SPATA31F3: variants seen among roughly 807,000 people sequenced by gnomAD.
The protein encoded by SPATA31F3 is SPATA31 subfamily F member 3.
At chr9:34,894,907 T>C in the SPATA31F3 span, 1 of 396,820 alleles carries the variant, frequency 2.5e-6, no homozygotes, top group South Asian at 1.4e-4. Context: ...CCATGAGAAA[T>C]TGTCCCTGGG....
At chr9:34,895,558 A>G in the SPATA31F3 span, 6 of 398,514 alleles carry the variant, frequency 1.5e-5, no homozygotes, top group Non-Finnish European at 2.7e-5. Flanking sequence ...CAATTTAGCC[A>G]TGGTCATAGT....
chr9:34,895,558 A>C, the SPATA31F3 span: 12 of 398,514 alleles, frequency 3.0e-5, no homozygotes, highest in Non-Finnish European at 1.8e-5. Flanking sequence ...CAATTTAGCC[A>C]TGGTCATAGT....
chr9:34,894,348 A>C, the SPATA31F3 span: 1 of 397,490 alleles, frequency 2.5e-6, no homozygotes. Flanking sequence ...CCTCCCATCC[A>C]TTTTCCCTCT....
At chr9:34,892,198 G>A in the SPATA31F3 span, among the ~76,000 whole-genome samples, 1 of 152,018 alleles carries the variant, frequency 6.6e-6, no homozygotes, top group Non-Finnish European at 1.5e-5. Flanking sequence ...AGAGAGGAGA[G>A]GGTAGAGCTA....
At chr9:34,892,439 G>A in the SPATA31F3 span, among the ~76,000 whole-genome samples, 1 of 152,186 alleles carries the variant, frequency 6.6e-6, no homozygotes. Context: ...AAGTGGTGTG[G>A]TATAAGCTGC....
At chr9:34,892,705 C>T in the SPATA31F3 span, 1 of 471,840 alleles carries the variant, frequency 2.1e-6, no homozygotes, top group South Asian at 5.0e-5. Context: ...TCCTCTCCTG[C>T]TGGCTCAGAG....
the SPATA31F3 span, chr9:34,894,965 G>T: frequency 2.5e-6 from 1 of 398,220 alleles, no homozygotes; most frequent in Non-Finnish European, 4.4e-6. Context: ...TAGCAGCAGG[G>T]GTCATAGAGG....
the SPATA31F3 span, chr9:34,895,580 C>T: frequency 1.8e-5 from 7 of 398,590 alleles, no homozygotes; most frequent in African/African-American, 6.2e-5. Context: ...TTTCCCTACC[C>T]GGCAACAGCT....
the SPATA31F3 span, among the ~76,000 whole-genome samples, chr9:34,890,633 G>A: frequency 6.6e-6 from 1 of 152,200 alleles, no homozygotes; most frequent in Admixed American, 6.5e-5. Flanking sequence ...AGTTTCTGGA[G>A]TAATGTTTTC....
chr9:34,895,314 A>G, the SPATA31F3 span, among the ~76,000 whole-genome samples: 1 of 152,052 alleles, frequency 6.6e-6, no homozygotes, highest in Non-Finnish European at 1.5e-5. Context: ...CATTCCTTTC[A>G]TAAGTTCGGT....
At chr9:34,893,517 C>G in the SPATA31F3 span, among the ~76,000 whole-genome samples, 6 of 151,874 alleles carry the variant, frequency 4.0e-5, no homozygotes, top group Non-Finnish European at 8.8e-5. Context: ...AGGAGAGTCC[C>G]TTGAACCTGG....
the SPATA31F3 span, chr9:34,893,039 T>C: frequency 1.1e-6 from 1 of 946,416 alleles, no homozygotes; most frequent in Non-Finnish European, 1.6e-6. Flanking sequence ...GATCTGGTTG[T>C]TCTCACCTGC....
chr9:34,892,622 G>A, the SPATA31F3 span: 1 of 443,442 alleles, frequency 2.3e-6, no homozygotes, highest in Non-Finnish European at 4.0e-6. Context: ...CTGGGTTCAG[G>A]GAAAGAAAGG....
chr9:34,892,741 A>G, the SPATA31F3 span: 4 of 463,162 alleles, frequency 8.6e-6, no homozygotes, highest in Non-Finnish European at 1.5e-5. Context: ...CAAAGTTTGA[A>G]GACAGAGATC....
chr9:34,893,403 T>A, the SPATA31F3 span, among the ~76,000 whole-genome samples: 1 of 151,796 alleles, frequency 6.6e-6, no homozygotes, highest in Non-Finnish European at 1.5e-5. Flanking sequence ...GAGTTCGAGA[T>A]CAGCCTGGCC....
chr9:34,892,862 A>G, the SPATA31F3 span: 2 of 699,352 alleles, frequency 2.9e-6, no homozygotes, highest in East Asian at 5.4e-5. Flanking sequence ...TGACTGGGTT[A>G]AAGATTTCTG....
the SPATA31F3 span, chr9:34,893,080 AT>A: frequency 1.0e-6 from 1 of 958,196 alleles, no homozygotes; most frequent in Non-Finnish European, 1.5e-6. Context: ...GAGCCATAAC[AT>A]TGCAGATTTG....
chr9:34,889,693 A>C, the SPATA31F3 span: 1 of 398,244 alleles, frequency 2.5e-6, no homozygotes. Flanking sequence ...TGCAACTCTT[A>C]GCCCTAGAAA....
the SPATA31F3 span, among the ~76,000 whole-genome samples, chr9:34,891,517 C>T: frequency 6.6e-6 from 1 of 152,200 alleles, no homozygotes; most frequent in East Asian, 1.9e-4. Flanking sequence ...GGAAGACCCA[C>T]ATAGGTCAGG....
Sources: gnomAD v4.1 joint callset for allele counts (sites outside exome capture counted in the v4.1 genomes callset) on GRCh38, gnomAD v4.1.1 for gene constraint, MANE v1.5 for transcripts, NCBI Gene and HGNC (gene_info 2026-07-23, HGNC 2026-07-21) for gene names.